The following LRP1B variants were observed in gnomAD, a reference collection of about 807,000 sequenced individuals.
LRP1B encodes low-density lipoprotein receptor-related protein 1B.
Under a neutral mutation model 556.6 loss-of-function variants are expected in LRP1B, and 217 were observed. The observed-to-expected ratio is 0.39, with a 90% CI of 0.35 to 0.44. The LOEUF (loss-of-function observed/expected upper bound fraction) is 0.44. LRP1B is among the 20% of genes least tolerant of loss of function. LRP1B has a pLI of 1.00. For missense variants in LRP1B, 5,053 were observed against 5,620.8 expected (o/e 0.90, Z 3.23); for synonymous variants, 2,047 against 1,865.8 (o/e 1.10, Z -2.50).
In LRP1B at chr2:141,364,838, C is replaced by G. The variant is rs1688959052; in HGVS notation, c.344-110197G>C. Among the ~76,000 whole-genome samples, 4 of 152,138 alleles carry G rather than the reference C, an allele frequency of 2.6e-5. No homozygotes were observed. In the South Asian group the frequency reaches 8.3e-4, roughly 32 times the overall value. ...TATGTTCTAACTTCAAATAAAATAA[C>G]TAAACTTTGTAATTATATGTATGCT... On this transcript the variant is annotated intron_variant, in intron 3 of 90. Transcript: ENST00000389484.
At chr2:141,879,085 AATT>A (rs1698868884) in intron 1 of LRP1B, among the ~76,000 whole-genome samples, 1 of 151,974 alleles carries the variant, frequency 6.6e-6, no homozygotes, top group African/African-American at 2.4e-5. Context: ...CTTTCAATAT[AATT>A]ATGATAAATC....
At chr2:141,833,161 T>A (rs932904456) in intron 1 of LRP1B, among the ~76,000 whole-genome samples, 4 of 151,808 alleles carry the variant, frequency 2.6e-5, no homozygotes, top group Non-Finnish European at 5.9e-5. Context: ...TGAATTAATT[T>A]CACTAAAATA....
chr2:140,671,206 T>C (rs529386114), intron 41 of LRP1B, among the ~76,000 whole-genome samples: 23 of 152,254 alleles, frequency 1.5e-4, no homozygotes, highest in African/African-American at 5.3e-4. Context: ...ATATTTCTTT[T>C]GAGGGCTCAT....
chr2:141,939,892 G>C (rs1344671366), intron 1 of LRP1B, among the ~76,000 whole-genome samples: 1 of 152,124 alleles, frequency 6.6e-6, no homozygotes, highest in Admixed American at 6.6e-5. Flanking sequence ...TTTTCTGTAA[G>C]TGGTGCTGAG....
At chr2:141,461,151 G>T (rs903109545) in intron 3 of LRP1B, among the ~76,000 whole-genome samples, 8 of 152,108 alleles carry the variant, frequency 5.3e-5, no homozygotes, top group African/African-American at 1.9e-4. Context: ...GACAGAGCCT[G>T]CATAAGGGGA....
At chr2:141,503,296 A>G (rs933211942) in intron 2 of LRP1B, among the ~76,000 whole-genome samples, 6 of 148,474 alleles carry the variant, frequency 4.0e-5, no homozygotes, top group Non-Finnish European at 8.9e-5. Context: ...TTATTTTTAT[A>G]TATATATTAG....
intron 2 of LRP1B, among the ~76,000 whole-genome samples, chr2:141,684,174 T>C (rs1691208189): frequency 1.3e-5 from 2 of 152,232 alleles, no homozygotes; most frequent in Admixed American, 1.3e-4. Flanking sequence ...TGCAGCACTG[T>C]TCACTATAGC....
chr2:141,185,385 T>A (rs1256298683), intron 7 of LRP1B, among the ~76,000 whole-genome samples: 1 of 152,046 alleles, frequency 6.6e-6, no homozygotes, highest in East Asian at 1.9e-4. Flanking sequence ...ATGATCTCTA[T>A]GCTACCTGCC....
intron 6 of LRP1B, among the ~76,000 whole-genome samples, chr2:141,189,937 A>AAAGAAAGAAATAAAAGG (rs1553473170): frequency 2.7e-5 from 4 of 150,314 alleles, no homozygotes; most frequent in African/African-American, 9.8e-5. Flanking sequence ...CCTTTAGAAG[A>AAAGAAAGAAATAAAAGG]AAGAAAGAAA....
chr2:141,803,217 T>G (rs1213709831), intron 2 of LRP1B, among the ~76,000 whole-genome samples: 17 of 91,490 alleles, frequency 1.9e-4, no homozygotes, highest in Non-Finnish European at 5.0e-5. Context: ...GCAATCGACC[T>G]TTTTTTTTTT....
At chr2:140,286,929 T>C (rs775182378) in intron 84 of LRP1B, among the ~76,000 whole-genome samples, 1 of 151,780 alleles carries the variant, frequency 6.6e-6, no homozygotes, top group African/African-American at 2.4e-5. Context: ...TTAGGAAATA[T>C]TAACTTTTTT....
intron 43 of LRP1B, among the ~76,000 whole-genome samples, chr2:140,556,462 TA>T (rs950932302): frequency 2.0e-5 from 3 of 152,120 alleles, no homozygotes; most frequent in African/African-American, 7.2e-5. Flanking sequence ...CCTCCCATCA[TA>T]TTACCCCACA....
intron 11 of LRP1B, among the ~76,000 whole-genome samples, chr2:141,030,150 T>C (rs1003848993): frequency 6.6e-6 from 1 of 152,160 alleles, no homozygotes; most frequent in Non-Finnish European, 1.5e-5. Context: ...CATAAGAATA[T>C]TCAGTTATGT....
chr2:141,169,166 G>T (rs1014723680), intron 7 of LRP1B, among the ~76,000 whole-genome samples: 9 of 151,520 alleles, frequency 5.9e-5, no homozygotes, highest in African/African-American at 2.2e-4. Context: ...GGCCCCTATA[G>T]TCCCAGCTAC....
intron 3 of LRP1B, among the ~76,000 whole-genome samples, chr2:141,318,854 A>G (rs1210037017): frequency 6.6e-6 from 1 of 152,150 alleles, no homozygotes; most frequent in Non-Finnish European, 1.5e-5. Flanking sequence ...TTTATCAACT[A>G]TACTAAAAGA....
intron 27 of LRP1B, among the ~76,000 whole-genome samples, chr2:140,865,890 C>T (rs6429850): frequency 0.84 from 127,641 of 152,038 alleles, 53,989 homozygotes; most frequent in Non-Finnish European, 0.89. Context: ...TCGTTTCTTT[C>T]CTATATATGC....
At chr2:140,715,885 A>T in intron 37 of LRP1B, 88 bp downstream of exon 37, 1 of 1,100,146 alleles carries the variant, frequency 9.1e-7, no homozygotes, top group Admixed American at 2.5e-5. Flanking sequence ...TGTCTCAGAC[A>T]TTACAGCTAA....
At chr2:140,813,609 A>G in intron 32 of LRP1B, 48 bp downstream of exon 32, 1 of 1,564,580 alleles carries the variant, frequency 6.4e-7, no homozygotes, top group Non-Finnish European at 8.8e-7. Context: ...TAATAAATCA[A>G]CCCCCAATCA....
Position 141,025,486 on chromosome 2 carries a change from T to A in LRP1B, c.1790-5384A>T, listed in dbSNP as rs80066630. 8.3e-4 allele frequency among the ~76,000 whole-genome samples: 127 copies of A among 152,208 alleles called. No homozygotes were observed. In the East Asian group the frequency reaches 0.021, roughly 25 times the overall value. Reference sequence around the variant, plus strand: ...AGGTATGTTTTAGATTATATGAACATCAGTAGAATTTGAGTAATAAGCAGG... The same window carrying A: ...AGGTATGTTTTAGATTATATGAACAACAGTAGAATTTGAGTAATAAGCAGG... On this transcript the variant is annotated intron_variant, in intron 11 of 90. Coordinates refer to ENST00000389484, the MANE Select transcript of LRP1B (RefSeq NM_018557.3).
Sources: allele counts gnomAD v4.1 joint callset (sites outside exome capture counted in the v4.1 genomes callset), GRCh38; gene constraint gnomAD v4.1.1; transcripts MANE v1.5; gene names NCBI Gene and HGNC (gene_info 2026-07-23, HGNC 2026-07-21).